The following DNAI4 variants were observed in gnomAD, a reference collection of about 807,000 sequenced individuals.
DNAI4 encodes dynein axonemal intermediate chain 4, also known as WD repeat domain 78.
Under a neutral mutation model 105.8 loss-of-function variants are expected in DNAI4, and 85 were observed. That is an observed-to-expected ratio of 0.80 (90% CI 0.67 to 0.96). DNAI4 has a LOEUF of 0.96. Ranked by LOEUF, DNAI4 falls within the 40% of genes least tolerant of loss-of-function variation. The probability of loss-of-function intolerance (pLI) is 0.00; values close to 1 mark genes in which losing one functional copy is unlikely to be tolerated. For synonymous variants in DNAI4, 352 were observed against 331.5 expected (o/e 1.06, Z -0.67); for missense variants, 1,014 against 1,005.6 (o/e 1.01, Z -0.11).
rs866541952 is a variant in DNAI4, at chr1:66,867,220, C to T, written c.940+4150G>A. ...TCTGATGTCTTGTTCTCTACACTGA[C>T]CTATTTATTTTTCTCTCTGGTAGTT... On this transcript the variant is annotated intron_variant, in intron 6 of 16. Coordinates refer to ENST00000371026, the MANE Select transcript of DNAI4 (RefSeq NM_024763.5). Among the ~76,000 whole-genome samples, 22 of 152,274 alleles carry T rather than the reference C, an allele frequency of 1.4e-4. No individual in the cohort carries two copies. The Middle Eastern group carries it at 0.014, about 94-fold the overall frequency.
chr1:66,917,443 A>G (rs1650149219), intron 1 of DNAI4, among the ~76,000 whole-genome samples: 1 of 152,198 alleles, frequency 6.6e-6, no homozygotes, highest in African/African-American at 2.4e-5. Flanking sequence ...AACTTTGCAG[A>G]TTGTGACATT....
chr1:66,909,285 T>TCTACACACACACACACAC (rs143570368), intron 1 of DNAI4, among the ~76,000 whole-genome samples: 2 of 134,540 alleles, frequency 1.5e-5, no homozygotes, highest in East Asian at 2.2e-4. Flanking sequence ...CACCTCTCTC[T>TCTACACACACACACACAC]ACACACACAC....
rs188565402 is a variant in DNAI4, at chr1:66,831,133, T to C, written c.2013+2452A>G. Among the ~76,000 whole-genome samples the C allele has an allele frequency of 1.9e-4, 29 of 151,880 alleles. No individual in the cohort carries two copies. In the East Asian group the frequency reaches 2.1e-3, roughly 11 times the overall value. On this transcript the variant is annotated intron_variant, in intron 13 of 16. Transcript: ENST00000371026. ...TTACCAAAGCTCACTCAAGAAGCAA[T>C]AGATAACCATAATAACCCTATATAT...
chr1:66,924,640 G>T (rs1259552244), intron 1 of DNAI4, 22 bp downstream of exon 1: 15 of 1,614,118 alleles, frequency 9.3e-6, no homozygotes, highest in Non-Finnish European at 1.3e-5. Flanking sequence ...GATGGACTAC[G>T]GTTTTTAGCG....
chr1:66,920,166 G>A (rs1650362912), intron 1 of DNAI4, among the ~76,000 whole-genome samples: 1 of 152,132 alleles, frequency 6.6e-6, no homozygotes, highest in Non-Finnish European at 1.5e-5. Flanking sequence ...GCTGGACGTT[G>A]GAAGTCAGAG....
chr1:66,826,861 T>G lies in DNAI4; in HGVS notation c.2298A>C (p.Ala766=). 6.2e-7 allele frequency: 1 copy of G among 1,614,192 alleles called. No individual in the cohort carries two copies. Among genetic ancestry groups the G allele is most frequent in the East Asian group, 2.2e-5 (1 of 44,868 alleles). ...CCCAAATCTCCACCCTGTTCTCATT[T>G]GCAGCTGCAAATATATAGGATGATT... ...SPKSSYIFAA[A]NENRVEIWDL... The change falls in exon 15 of 17, where the codon GCA becomes GCC. Residue 766 remains alanine (A), a synonymous_variant. Transcript: ENST00000371026.
chr1:66,816,984 C>T (rs1045174889), intron 16 of DNAI4, among the ~76,000 whole-genome samples: 3 of 152,156 alleles, frequency 2.0e-5, no homozygotes, highest in Middle Eastern at 3.4e-3. Flanking sequence ...ATAATACTTA[C>T]ATATATTATA....
chr1:66,839,257 C>A (rs759705337), intron 9 of DNAI4, among the ~76,000 whole-genome samples: 3 of 152,008 alleles, frequency 2.0e-5, no homozygotes. Context: ...CAAAACAAGA[C>A]CCCCATCTCC....
chr1:66,830,442 C>A (rs1645841961), intron 13 of DNAI4, among the ~76,000 whole-genome samples: 1 of 151,490 alleles, frequency 6.6e-6, no homozygotes, highest in African/African-American at 2.4e-5. Context: ...GAGTTTGACA[C>A]CAGCCTGGAC....
intron 6 of DNAI4, chr1:66,871,051 A>G (rs1646836075): frequency 3.8e-6 from 1 of 265,170 alleles, no homozygotes; most frequent in African/African-American, 2.2e-5. Flanking sequence ...TGACACATTT[A>G]AAATGTTAAT....
At position 66,817,717 on chromosome 1, in the gene DNAI4, A is replaced by G. The variant is rs558042022; in HGVS notation, c.2497-3537T>C. ...ACAGTAAATCAATGAATTGAAGTCA[A>G]TCAAGTGATCCAGCAACATGGGCAA... On this transcript the variant is annotated intron_variant, in intron 16 of 16. Coordinates refer to ENST00000371026, the MANE Select transcript of DNAI4 (RefSeq NM_024763.5). 2.0e-4 allele frequency among the ~76,000 whole-genome samples: 30 copies of G among 152,340 alleles called. 1 individual carries two copies. In the South Asian group the frequency reaches 5.6e-3, roughly 28 times the overall value.
chr1:66,847,700 C>T (rs774140551), intron 7 of DNAI4, 22 bp from the exon 8 acceptor site: 4 of 1,514,822 alleles, frequency 2.6e-6, no homozygotes, highest in Non-Finnish European at 3.6e-6. Flanking sequence ...AAACATGATA[C>T]AATGATAAAA....
intron 1 of DNAI4, among the ~76,000 whole-genome samples, chr1:66,917,956 T>C (rs568380846): frequency 3.9e-5 from 6 of 152,358 alleles, no homozygotes; most frequent in African/African-American, 1.2e-4. Flanking sequence ...ACAGGGTTTC[T>C]GACCTGTGTT....
intron 1 of DNAI4, among the ~76,000 whole-genome samples, chr1:66,915,939 T>C (rs4388680): frequency 0.78 from 118,554 of 152,032 alleles, 46,575 homozygotes; most frequent in East Asian, 0.88. Context: ...CTGGCCAACA[T>C]GGCGAAGCCC....
At chr1:66,904,647 A>G (rs1649100093) in intron 2 of DNAI4, among the ~76,000 whole-genome samples, 1 of 152,158 alleles carries the variant, frequency 6.6e-6, no homozygotes, top group Non-Finnish European at 1.5e-5. Context: ...TCTGTTATCA[A>G]TGTCTTTCAA....
Position 66,871,442 on chromosome 1 carries a change from T to C in DNAI4, c.868A>G (p.Met290Val), listed in dbSNP as rs751583729. Residue 290 changes from methionine to valine, a missense_variant, in exon 6 of 17, where the codon ATG becomes GTG. Met to Val is a conservative substitution (Grantham distance 21, BLOSUM62 1). Coordinates refer to ENST00000371026, the MANE Select transcript of DNAI4 (RefSeq NM_024763.5). ...RLGNDLYVER[M>V]MQTFNGAPKN... ...GGTGCTCCATTGAAAGTCTGCATCA[T>C]CCTTTCAACATATAGGTCATTGCCT... is the stretch of plus-strand genomic sequence containing the variant. The C allele has an allele frequency of 6.2e-7, 1 of 1,610,682 alleles. No homozygotes were observed. Among genetic ancestry groups the C allele is most frequent in the South Asian group, 1.1e-5 (1 of 90,726 alleles).
intron 13 of DNAI4, among the ~76,000 whole-genome samples, chr1:66,832,497 A>G (rs926021080): frequency 2.6e-5 from 4 of 152,166 alleles, no homozygotes; most frequent in African/African-American, 4.8e-5. Flanking sequence ...AGAGAGTACA[A>G]GGATGGTTAC....
chr1:66,824,961 G>T (rs1645718374), intron 15 of DNAI4, among the ~76,000 whole-genome samples: 1 of 152,100 alleles, frequency 6.6e-6, no homozygotes. Context: ...CATGACTCCT[G>T]CTGGAAATTC....
At chr1:66,881,413 A>G (rs953248653) in intron 4 of DNAI4, among the ~76,000 whole-genome samples, 2 of 149,700 alleles carry the variant, frequency 1.3e-5, no homozygotes, top group African/African-American at 2.5e-5. Context: ...GGAGCTGTCC[A>G]AGACCATGGG....
Sources: gnomAD v4.1 joint callset for allele counts (sites outside exome capture counted in the v4.1 genomes callset) on GRCh38, gnomAD v4.1.1 for gene constraint, MANE v1.5 for transcripts, NCBI Gene and HGNC (gene_info 2026-07-23, HGNC 2026-07-21) for gene names.